SRGAP3: variants seen among roughly 807,000 people sequenced by gnomAD.
SRGAP3 encodes SLIT-ROBO Rho GTPase activating protein 3.
Under a neutral mutation model 121.1 loss-of-function variants are expected in SRGAP3, and 39 were observed. That is an observed-to-expected ratio of 0.32 (90% confidence interval 0.25 to 0.42). The LOEUF (loss-of-function observed/expected upper bound fraction) is 0.42. SRGAP3 is among the 10% of genes least tolerant of loss of function. SRGAP3 has a pLI of 1.00. For missense variants in SRGAP3, 1,213 were observed against 1,470.6 expected (o/e 0.82, Z 2.86); for synonymous variants, 601 against 570.0 (o/e 1.05, Z -0.77).
chr3:9,348,349 G>A (rs1955944351), intron 1 of SRGAP3: 2 of 442,278 alleles, frequency 4.5e-6, no homozygotes, highest in South Asian at 2.2e-5. Flanking sequence ...GAAAGAAAAG[G>A]GAGAAAGACT....
chr3:9,132,210 T>C (rs544822497), intron 1 of SRGAP3, among the ~76,000 whole-genome samples: 24 of 152,326 alleles, frequency 1.6e-4, no homozygotes, highest in African/African-American at 4.3e-4. Context: ...ATTAACATCT[T>C]GCATTCCATC....
At chr3:9,038,539 A>T (rs1559976858) in intron 10 of SRGAP3, among the ~76,000 whole-genome samples, 1 of 152,226 alleles carries the variant, frequency 6.6e-6, no homozygotes, top group Admixed American at 6.5e-5. Flanking sequence ...GGCAACAAAG[A>T]TTGACCGAGC....
At chr3:9,013,586 CCT>C (rs757978103) in intron 16 of SRGAP3, 51 bp from the exon 17 acceptor site, 9 of 1,601,228 alleles carry the variant, frequency 5.6e-6, no homozygotes, top group Admixed American at 5.1e-5. Context: ...AAGTCCTCCC[CCT>C]GTGTTTTTTT....
At chr3:9,003,527 T>G (rs1308774182) in intron 18 of SRGAP3, among the ~76,000 whole-genome samples, 1 of 151,894 alleles carries the variant, frequency 6.6e-6, no homozygotes, top group Non-Finnish European at 1.5e-5. Flanking sequence ...GCGAGCCAAA[T>G]GCAGTAGCAT....
At chr3:9,071,524 G>A (rs2125235376) in intron 4 of SRGAP3, among the ~76,000 whole-genome samples, 1 of 152,250 alleles carries the variant, frequency 6.6e-6, no homozygotes, top group South Asian at 2.1e-4. Flanking sequence ...GCTAATGGGA[G>A]GAGAATTTGC....
At chr3:9,130,348 C>G (rs1949399578) in intron 1 of SRGAP3, among the ~76,000 whole-genome samples, 3 of 152,158 alleles carry the variant, frequency 2.0e-5, no homozygotes, top group African/African-American at 7.2e-5. Context: ...TACACAGGTC[C>G]CCTCTTAGAT....
chr3:9,297,294 T>A (rs570699456), intron 3 of SRGAP3, among the ~76,000 whole-genome samples: 27 of 152,152 alleles, frequency 1.8e-4, no homozygotes, highest in Non-Finnish European at 3.4e-4. Context: ...CTTGCTATTT[T>A]CCTGCTTGGG....
chr3:9,024,330 C>T lies in SRGAP3; in HGVS notation c.1678+931G>A, dbSNP rs79021411. 6.7e-3 allele frequency among the ~76,000 whole-genome samples: 1,015 copies of T among 152,286 alleles called. 8 individuals carry two copies. Among genetic ancestry groups the T allele is most frequent in the African/African-American group, 0.022 (908 of 41,546 alleles). ...ATACTGATATTCCAACTCTTCTTTC[C>T]TCCCCTGGGATGAGGTTATGGTCTT... On this transcript the variant is annotated intron_variant, in intron 14 of 21. Coordinates refer to ENST00000383836, the MANE Select transcript of SRGAP3 (RefSeq NM_014850.4).
chr3:9,045,961 T>C (rs1945252463), intron 10 of SRGAP3, among the ~76,000 whole-genome samples: 1 of 152,060 alleles, frequency 6.6e-6, no homozygotes, highest in African/African-American at 2.4e-5. Context: ...CTCTCTCCCT[T>C]TCTCCTCCAT....
chr3:9,009,275 C>G (rs552033918), intron 18 of SRGAP3, among the ~76,000 whole-genome samples: 5 of 152,142 alleles, frequency 3.3e-5, no homozygotes, highest in African/African-American at 1.2e-4. Flanking sequence ...TGGTGGCCAA[C>G]GTGTCCTGGT....
At chr3:9,208,065 T>G (rs973020333) in intron 1 of SRGAP3, among the ~76,000 whole-genome samples, 5 of 152,142 alleles carry the variant, frequency 3.3e-5, no homozygotes, top group Admixed American at 3.3e-4. Flanking sequence ...AGTGAGTCCT[T>G]TGAGTGCAGG....
At chr3:8,993,127 A>G in intron 19 of SRGAP3, 72 bp from the exon 20 acceptor site, 8 of 1,604,268 alleles carry the variant, frequency 5.0e-6, no homozygotes, top group Non-Finnish European at 6.8e-6. Flanking sequence ...GCTCCCTGAT[A>G]TGTGTCTGAG....
At chr3:9,076,353 T>C (rs1255920881) in intron 4 of SRGAP3, among the ~76,000 whole-genome samples, 1 of 152,202 alleles carries the variant, frequency 6.6e-6, no homozygotes, top group African/African-American at 2.4e-5. Context: ...AGAGTGTTAA[T>C]TAAATAATAT....
Position 9,248,752 on chromosome 3 carries a change from T to C in SRGAP3, c.67+133A>G, listed in dbSNP as rs1953914326. The C allele has an allele frequency of 4.2e-6, 4 of 952,080 alleles. No homozygotes were observed. The East Asian group carries it at 1.0e-4, about 25-fold the overall frequency. The allele number at this position is 952,080 out of a possible 1,614,324, so 59.0% of individuals were successfully genotyped here. A position where few individuals can be genotyped will look rare whatever the true frequency, so the allele number is the denominator to read the frequency against. On this transcript the variant is annotated intron_variant, in intron 1 of 21. Transcript: ENST00000383836. ...CTTGTGCGGCTGCCACTGTTACTCCTCACAAAAAGATTATTGATGCATAAC... is the reference window on the plus strand; with the variant it reads ...CTTGTGCGGCTGCCACTGTTACTCCCCACAAAAAGATTATTGATGCATAAC...
chr3:9,093,380 T>A (rs1161028547), intron 3 of SRGAP3, among the ~76,000 whole-genome samples: 1 of 152,126 alleles, frequency 6.6e-6, no homozygotes, highest in Non-Finnish European at 1.5e-5. Flanking sequence ...CATTTGCCCA[T>A]CCACTCATAT....
At chr3:9,297,650 C>T (rs958866559) in intron 3 of SRGAP3, among the ~76,000 whole-genome samples, 2 of 152,062 alleles carry the variant, frequency 1.3e-5, no homozygotes, top group African/African-American at 4.8e-5. Context: ...AATCCCAGCA[C>T]TTTGGGAGCC....
intron 3 of SRGAP3, among the ~76,000 whole-genome samples, chr3:9,094,470 A>G (rs182506246): frequency 5.9e-5 from 9 of 152,290 alleles, no homozygotes; most frequent in African/African-American, 1.9e-4. Flanking sequence ...ACGCTAGAAT[A>G]TCTTTGGGTT....
upstream of SRGAP3, chr3:9,249,789 A>G (rs573873527): frequency 1.5e-5 from 3 of 205,190 alleles, no homozygotes; most frequent in South Asian, 1.9e-4. Context: ...AACGCTCACA[A>G]AAGGGAAGGC....
At chr3:9,067,290 T>C (rs1249345001) in intron 4 of SRGAP3, among the ~76,000 whole-genome samples, 1 of 152,056 alleles carries the variant, frequency 6.6e-6, no homozygotes, top group Admixed American at 6.6e-5. Context: ...TCTCCCTTCT[T>C]CCTTCATCCT....
Sources: gnomAD v4.1 joint callset for allele counts (sites outside exome capture counted in the v4.1 genomes callset) on GRCh38, gnomAD v4.1.1 for gene constraint, MANE v1.5 for transcripts, NCBI Gene and HGNC (gene_info 2026-07-23, HGNC 2026-07-21) for gene names.